Variants in RAPGEF5 observed in about 807,000 individuals in gnomAD.
The protein encoded by RAPGEF5 is Rap guanine nucleotide exchange factor 5.
A neutral mutation model predicts 125.2 loss-of-function variants in RAPGEF5; 65 were observed. The ratio of observed to expected loss-of-function variants is 0.52; its 90% confidence interval spans 0.43 to 0.64. The LOEUF (loss-of-function observed/expected upper bound fraction) is 0.64. Among genes scored for constraint, RAPGEF5 ranks in the 30% least tolerant of loss-of-function variants. The probability of loss-of-function intolerance (pLI) is 0.00; values close to 1 mark genes in which losing one functional copy is unlikely to be tolerated. For synonymous variants in RAPGEF5, 391 were observed against 385.9 expected (o/e 1.01, Z -0.16); for missense variants, 958 against 1,048.1 (o/e 0.91, Z 1.19).
intron 7 of RAPGEF5, among the ~76,000 whole-genome samples, chr7:22,244,341 C>T (rs369425048): frequency 5.3e-5 from 8 of 152,160 alleles, no homozygotes; most frequent in East Asian, 3.8e-4. Context: ...TGGTGCTGAT[C>T]CATGGCCTGT....
At chr7:22,167,250 T>G in intron 11 of RAPGEF5, 102 bp from the exon 12 acceptor site, 1 of 789,566 alleles carries the variant, frequency 1.3e-6, no homozygotes, top group Non-Finnish European at 2.1e-6. Flanking sequence ...AGAAATATGA[T>G]AAATATTGAT....
chr7:22,269,331 T>C (rs1030664180), intron 6 of RAPGEF5, among the ~76,000 whole-genome samples: 1 of 152,188 alleles, frequency 6.6e-6, no homozygotes, highest in Non-Finnish European at 1.5e-5. Context: ...TTTTTTTAAA[T>C]GACCTAGCAA....
chr7:22,265,370 T>C (rs1285845178), intron 7 of RAPGEF5, among the ~76,000 whole-genome samples: 2 of 152,220 alleles, frequency 1.3e-5, no homozygotes, highest in Admixed American at 6.5e-5. Flanking sequence ...TGTCTTTCTG[T>C]GCCTAGCTTA....
intron 3 of RAPGEF5, among the ~76,000 whole-genome samples, chr7:22,312,207 C>T (rs1249884687): frequency 6.6e-6 from 1 of 151,658 alleles, no homozygotes; most frequent in Admixed American, 6.6e-5. Flanking sequence ...TCAGATTCCA[C>T]ATTCCTTTTT....
In RAPGEF5 at chr7:22,138,006, T is replaced by TACACAC. The variant is rs57116603; in HGVS notation, c.2278-1029_2278-1024dup. ...CAGGTAGTTTAATCTGTTTGGAAAC[T>TACACAC]ACACACACACACACACACACACACA... is the stretch of plus-strand genomic sequence containing the variant. On this transcript the variant is annotated intron_variant, in intron 21 of 25. Transcript: ENST00000665637. 5.1e-3 allele frequency among the ~76,000 whole-genome samples: 758 copies of TACACAC among 148,548 alleles called. 7 individuals are homozygous for TACACAC. The highest frequency in any genetic ancestry group is 0.028 in the South Asian group (131 of 4,640).
chr7:22,207,278 T>C (rs1332362442), intron 9 of RAPGEF5, among the ~76,000 whole-genome samples: 1 of 152,238 alleles, frequency 6.6e-6, no homozygotes, highest in African/African-American at 2.4e-5. Flanking sequence ...TAATGCAGTT[T>C]ATATTTATAA....
At chr7:22,344,400 C>T (rs995504798) in intron 1 of RAPGEF5, among the ~76,000 whole-genome samples, 3 of 152,184 alleles carry the variant, frequency 2.0e-5, no homozygotes, top group East Asian at 1.9e-4. Context: ...TTGAACAGTT[C>T]GAGGCCTGAC....
At chr7:22,269,580 T>C (rs1375544676) in intron 6 of RAPGEF5, among the ~76,000 whole-genome samples, 3 of 152,222 alleles carry the variant, frequency 2.0e-5, no homozygotes, top group African/African-American at 7.2e-5. Flanking sequence ...AGAGAAGGCA[T>C]TCCCATCATA....
chr7:22,299,197 A>G (rs1158435213), intron 5 of RAPGEF5, among the ~76,000 whole-genome samples: 3 of 152,080 alleles, frequency 2.0e-5, no homozygotes, highest in African/African-American at 7.2e-5. Context: ...CTTTCCTAAT[A>G]TAAGCATTAA....
At chr7:22,325,330 A>G (rs901287619) in intron 1 of RAPGEF5, among the ~76,000 whole-genome samples, 8 of 152,194 alleles carry the variant, frequency 5.3e-5, no homozygotes, top group South Asian at 2.1e-4. Flanking sequence ...TGACTAGCCA[A>G]TAGTGATTTA....
At chr7:22,182,881 T>C (rs1188894300) in intron 11 of RAPGEF5, among the ~76,000 whole-genome samples, 2 of 152,206 alleles carry the variant, frequency 1.3e-5, no homozygotes, top group Non-Finnish European at 2.9e-5. Context: ...GCAGCCTTCA[T>C]CCTACGTCAA....
rs544256153 is a variant in RAPGEF5, at chr7:22,125,334, G to A, written c.2536+270C>T. Reference sequence around the variant, plus strand: ...GACAGGAGTCAGCGGGAGTTGCGGGGAGGAGGTTTCTGAGTGTGTAAAGTC... The same window carrying A: ...GACAGGAGTCAGCGGGAGTTGCGGGAAGGAGGTTTCTGAGTGTGTAAAGTC... On this transcript the variant is annotated intron_variant, in intron 25 of 25. Transcript: ENST00000665637. 9 of 352,824 alleles carry A rather than the reference G, an allele frequency of 2.6e-5. No individual in the cohort carries two copies. In the South Asian group the frequency reaches 2.7e-4, roughly 11 times the overall value. 21.9% of individuals were successfully genotyped at this position (352,824 alleles called of 1,614,324 possible). A position where few individuals can be genotyped will look rare whatever the true frequency, so the allele number is the denominator to read the frequency against.
intron 1 of RAPGEF5, among the ~76,000 whole-genome samples, chr7:22,330,984 C>T (rs541892908): frequency 2.6e-5 from 4 of 152,252 alleles, no homozygotes; most frequent in Admixed American, 2.6e-4. Flanking sequence ...TTCATTAGAG[C>T]TCCACAGGCA....
chr7:22,203,260 G>A (rs1785321349), intron 9 of RAPGEF5, among the ~76,000 whole-genome samples: 1 of 152,104 alleles, frequency 6.6e-6, no homozygotes, highest in Non-Finnish European at 1.5e-5. Context: ...TCATGGGCGT[G>A]TGGGGCTGTT....
At position 22,153,286 on chromosome 7, in the gene RAPGEF5, C is replaced by T. The variant is rs573851666; in HGVS notation, c.1786+1169G>A. ...ATAAAGCTTAATACTGTTTAAAATC[C>T]TTTTATATTTTTGGTCACTTGAAAA... On this transcript the variant is annotated intron_variant, in intron 17 of 25. Transcript: ENST00000665637. Among the ~76,000 whole-genome samples the T allele has an allele frequency of 2.8e-3, 429 of 152,216 alleles. 1 individual carries two copies. Among genetic ancestry groups the T allele is most frequent in the African/African-American group, 0.01 (418 of 41,544 alleles).
At chr7:22,254,331 G>A (rs1001763640) in intron 7 of RAPGEF5, among the ~76,000 whole-genome samples, 4 of 151,910 alleles carry the variant, frequency 2.6e-5, no homozygotes, top group East Asian at 1.9e-4. Flanking sequence ...AAAAAAGGCC[G>A]GGCATGGTGG....
intron 1 of RAPGEF5, among the ~76,000 whole-genome samples, chr7:22,322,503 G>C (rs189652922): frequency 6.6e-6 from 1 of 151,780 alleles, no homozygotes; most frequent in Non-Finnish European, 1.5e-5. Context: ...CTATGAGGTA[G>C]GTATTATAAT....
chr7:22,174,459 AGCCAACTT>A (rs1435993410), intron 11 of RAPGEF5, among the ~76,000 whole-genome samples: 1 of 152,178 alleles, frequency 6.6e-6, no homozygotes, highest in Non-Finnish European at 1.5e-5. Flanking sequence ...CCATGTTTAG[AGCCAACTT>A]GCCTACTTTA....
chr7:22,219,717 ATT>A, intron 9 of RAPGEF5, 147 bp downstream of exon 9: 1 of 1,127,616 alleles, frequency 8.9e-7, no homozygotes, highest in Non-Finnish European at 1.2e-6. Flanking sequence ...AGCAGCTGTC[ATT>A]TTTACTAAGG....
Sources: allele counts gnomAD v4.1 joint callset (sites outside exome capture counted in the v4.1 genomes callset), GRCh38; gene constraint gnomAD v4.1.1; transcripts MANE v1.5; gene names NCBI Gene and HGNC (gene_info 2026-07-23, HGNC 2026-07-21).